The following PALM2AKAP2 variants were observed in gnomAD, a reference collection of about 807,000 sequenced individuals.
PALM2AKAP2 encodes the protein PALM2 and AKAP2 fusion, also known as PALM2-AKAP2 fusion protein.
PALM2AKAP2 carries 37 observed loss-of-function variants against 71.5 expected under a neutral mutation model. The observed-to-expected ratio is 0.52, with a 90% confidence interval of 0.40 to 0.68. The LOEUF is 0.68. Ranked by LOEUF, PALM2AKAP2 falls within the 30% of genes least tolerant of loss-of-function variation. The probability of loss-of-function intolerance (pLI) is 0.00; values close to 1 mark genes in which losing one functional copy is unlikely to be tolerated. For missense variants in PALM2AKAP2, 1,224 were observed against 1,191.8 expected, an observed-to-expected ratio of 1.03 and a Z score of -0.40; for synonymous variants, 468 against 478.8, an observed-to-expected ratio of 0.98 and a Z score of 0.29.
Position 110,048,792 on chromosome 9 carries a change from G to A in PALM2AKAP2, c.93G>A (p.Ala31=), listed in dbSNP as rs1208283548. ...CTGGACCCCCGGAGCGGGAGGCAGC[G>A]GCCGCGCGGCGCTGGACTGGAGCAG... The change falls in exon 1 of 4, where the codon GCG becomes GCA. Residue 31 remains alanine (A), a synonymous_variant. Coordinates refer to ENST00000374525, the Ensembl canonical transcript of PALM2AKAP2. 2.0e-6 allele frequency: 3 copies of A among 1,534,222 alleles called. No homozygotes were observed. In the Admixed American group the frequency reaches 5.9e-5, roughly 30 times the overall value.
At chr9:110,120,475 T>C (rs1249145105) in intron 1 of PALM2AKAP2, among the ~76,000 whole-genome samples, 2 of 152,190 alleles carry the variant, frequency 1.3e-5, no homozygotes, top group African/African-American at 4.8e-5. Context: ...CAACACACAT[T>C]AGGGCTTCAG....
intron 1 of PALM2AKAP2, among the ~76,000 whole-genome samples, chr9:109,858,524 A>G (rs968048360): frequency 6.6e-6 from 1 of 152,240 alleles, no homozygotes; most frequent in African/African-American, 2.4e-5. Flanking sequence ...TGTCTAAGTC[A>G]CTCAGGGAGT....
chr9:109,879,413 C>T (rs1368428827), intron 2 of PALM2AKAP2, among the ~76,000 whole-genome samples: 1 of 152,200 alleles, frequency 6.6e-6, no homozygotes, highest in Admixed American at 6.5e-5. Context: ...GACCACTGAC[C>T]TGCCCATGGG....
At chr9:109,830,842 A>G (rs1413810003) in intron 1 of PALM2AKAP2, among the ~76,000 whole-genome samples, 3 of 152,190 alleles carry the variant, frequency 2.0e-5, no homozygotes, top group African/African-American at 7.2e-5. Context: ...CGCAGTCAGC[A>G]TTGACGAAGT....
chr9:109,651,996 T>C (rs905843298), intron 1 of PALM2AKAP2, among the ~76,000 whole-genome samples: 1 of 152,234 alleles, frequency 6.6e-6, no homozygotes, highest in Non-Finnish European at 1.5e-5. Flanking sequence ...TAATTTAACC[T>C]ATTAATAGTA....
intron 1 of PALM2AKAP2, among the ~76,000 whole-genome samples, chr9:110,129,207 C>T (rs540424210): frequency 6.6e-6 from 1 of 152,292 alleles, no homozygotes; most frequent in East Asian, 1.9e-4. Context: ...CCAGGGAGTT[C>T]ATCTATTTCT....
rs1298568219 is a variant in PALM2AKAP2 at position 110,055,842 on chromosome 9, CT to C, written c.156+6991del. On this transcript the variant is annotated intron_variant, in intron 1 of 3. Coordinates refer to ENST00000374525, the Ensembl canonical transcript of PALM2AKAP2. ...TTGTCAGGACTCTTTAGTTTTTAGT[CT>C]TTTATGAGTTAGAAGAGTGTGCATA... is the stretch of plus-strand genomic sequence containing the variant. Among the ~76,000 whole-genome samples the C allele has an allele frequency of 4.6e-5, 7 of 152,192 alleles. 1 individual carries two copies. Among genetic ancestry groups the C allele is most frequent in the African/African-American group, 1.7e-4 (7 of 41,518 alleles).
chr9:109,901,348 C>G (rs1830327051), intron 3 of PALM2AKAP2, among the ~76,000 whole-genome samples: 1 of 152,194 alleles, frequency 6.6e-6, no homozygotes, highest in Non-Finnish European at 1.5e-5. Context: ...GAGGTTGTCA[C>G]TATCTCTGGT....
chr9:110,049,585 GT>G (rs202223223), intron 1 of PALM2AKAP2, among the ~76,000 whole-genome samples: 6,568 of 152,184 alleles, frequency 0.043, 456 homozygotes, highest in African/African-American at 0.14. Flanking sequence ...TAAAGCCGGA[GT>G]TTGCGTCTCT....
At position 110,032,691 on chromosome 9, in the gene PALM2AKAP2, AAAATAAATAAATAAAT is replaced by A. The variant is rs200694533; in HGVS notation, c.582+16688_582+16703del. Among the ~76,000 whole-genome samples the A allele has an allele frequency of 5.1e-3, 665 of 131,470 alleles. 6 individuals carry two copies. The highest frequency in any genetic ancestry group is 0.015 in the Middle Eastern group (4 of 270). 86.2% of individuals were successfully genotyped at this position (131,470 alleles called of 152,430 possible). On this transcript the variant is annotated intron_variant, in intron 7 of 9. Transcript: ENST00000302798. Reference sequence around the variant, plus strand: ...GGGTGACAGAGTGAGATTCTGTCTCAAAATAAATAAATAAATAAATAAATAAATAAATAAATAAATA... The same window carrying A: ...GGGTGACAGAGTGAGATTCTGTCTCAAAATAAATAAATAAATAAATAAATA...
chr9:109,919,848 A>G (rs1830787198), intron 3 of PALM2AKAP2, among the ~76,000 whole-genome samples: 1 of 152,012 alleles, frequency 6.6e-6, no homozygotes, highest in African/African-American at 2.4e-5. Flanking sequence ...ACACGCCCTC[A>G]AATTCAGTGG....
chr9:110,065,401 A>C (rs1225432152), intron 1 of PALM2AKAP2, among the ~76,000 whole-genome samples: 1 of 151,890 alleles, frequency 6.6e-6, no homozygotes, highest in East Asian at 1.9e-4. Flanking sequence ...GCTAATTTTT[A>C]AATTTTCTGT....
chr9:109,840,351 A>T (rs529069305), intron 1 of PALM2AKAP2, among the ~76,000 whole-genome samples: 70 of 152,368 alleles, frequency 4.6e-4, no homozygotes, highest in Non-Finnish European at 9.3e-4. Context: ...CTTACACCTT[A>T]TACAAAAATT....
intron 6 of PALM2AKAP2, among the ~76,000 whole-genome samples, chr9:110,005,741 C>T (rs1049107504): frequency 4.6e-5 from 7 of 152,232 alleles, no homozygotes; most frequent in Non-Finnish European, 1.5e-5. Flanking sequence ...ACCCCTCCCC[C>T]AGCCTCGCTG....
chr9:109,938,512 A>C (rs1177802725), intron 6 of PALM2AKAP2, among the ~76,000 whole-genome samples: 2 of 152,054 alleles, frequency 1.3e-5, no homozygotes, highest in African/African-American at 4.8e-5. Context: ...TTTTATTATA[A>C]AATTATATTA....
chr9:110,132,580 T>C lies in PALM2AKAP2; in HGVS notation c.157-3547T>C, dbSNP rs375347214. Among the ~76,000 whole-genome samples the C allele has an allele frequency of 4.5e-4, 69 of 152,118 alleles. No individual in the cohort carries two copies. The East Asian group carries it at 7.2e-3, about 16-fold the overall frequency. ...CCTGACCTCAAGTGATCCACCCACATTGGCCTCCCAAAATGTTGGGATTAC... is the reference window on the plus strand; with the variant it reads ...CCTGACCTCAAGTGATCCACCCACACTGGCCTCCCAAAATGTTGGGATTAC... On this transcript the variant is annotated intron_variant, in intron 1 of 3. Coordinates refer to ENST00000374525, the Ensembl canonical transcript of PALM2AKAP2.
chr9:110,015,794 A>G (rs568996905), intron 6 of PALM2AKAP2, among the ~76,000 whole-genome samples, 160 bp from the exon 7 acceptor site: 2 of 152,264 alleles, frequency 1.3e-5, no homozygotes, highest in East Asian at 3.9e-4. Flanking sequence ...TTCTGAAAGG[A>G]AGTTTTCCTA....
chr9:109,993,057 C>T (rs1441278742), intron 6 of PALM2AKAP2, among the ~76,000 whole-genome samples: 1 of 151,706 alleles, frequency 6.6e-6, no homozygotes, highest in African/African-American at 2.4e-5. Flanking sequence ...TATACACTCC[C>T]TCCTTTTAAT....
At chr9:110,090,080 G>A (rs1834670596) in intron 1 of PALM2AKAP2, 2 of 221,580 alleles carry the variant, frequency 9.0e-6, no homozygotes, top group African/African-American at 2.3e-5. Context: ...AAATACACTC[G>A]ACTCCTGTTT....
Sources: gnomAD v4.1 joint callset for allele counts (sites outside exome capture counted in the v4.1 genomes callset) on GRCh38, gnomAD v4.1.1 for gene constraint, MANE v1.5 for transcripts, NCBI Gene and HGNC (gene_info 2026-07-23, HGNC 2026-07-21) for gene names.